The following KCNK13 variants were observed in gnomAD, a reference collection of about 807,000 sequenced individuals.
The protein encoded by KCNK13 is potassium two pore domain channel subfamily K member 13.
Under a neutral mutation model 23.4 loss-of-function variants are expected in KCNK13, and 12 were observed. The observed-to-expected ratio is 0.51, with a 90% CI of 0.33 to 0.83. The LOEUF (loss-of-function observed/expected upper bound fraction) is 0.83, where lower values mean the gene tolerates loss of function less well. KCNK13 is among the 40% of genes least tolerant of loss of function. The pLI, the probability that KCNK13 is intolerant of heterozygous loss-of-function variation, is 0.02. For missense variants in KCNK13, 463 were observed against 556.3 expected (o/e 0.83, Z 1.69); for synonymous variants, 231 against 229.5 (o/e 1.01, Z -0.06).
chr14:90,185,578 T>G lies in KCNK13; in HGVS notation c.*575T>G, dbSNP rs530471589. 6.6e-6 allele frequency: 1 copy of G among 152,384 alleles called. No individual in the cohort carries two copies. The highest frequency in any genetic ancestry group is 1.9e-4 in the East Asian group (1 of 5,188). The allele number at this position is 152,384 out of a possible 1,614,324, so 9.4% of individuals were successfully genotyped here. On this transcript the variant is annotated 3_prime_UTR_variant, in exon 2 of 2. Coordinates refer to ENST00000282146, the MANE Select transcript of KCNK13 (RefSeq NM_022054.4). ...CTGTTTTTTGTTGTCCCTTTCTTTT[T>G]ATTTTTAAGGCCTTAATGCCTGGCT... is the stretch of plus-strand genomic sequence containing the variant.
chr14:90,101,810 A>AAAAAAAAAAAAAC (rs1465117776), intron 1 of KCNK13, among the ~76,000 whole-genome samples: 7 of 149,420 alleles, frequency 4.7e-5, no homozygotes, highest in African/African-American at 1.7e-4. Context: ...AAAAAAAAAA[A>AAAAAAAAAAAAAC]AACCTCACAA....
Position 90,154,204 on chromosome 14 carries a change from C to A in KCNK13, c.335-29907C>A, listed in dbSNP as rs190567246. ...GAATGTGGGCTTTCCTACAACAGCA[C>A]CACTTCTACTACCCACAATGCTGTG... is the stretch of plus-strand genomic sequence containing the variant. On this transcript the variant is annotated intron_variant, in intron 1 of 1. Coordinates refer to ENST00000282146, the MANE Select transcript of KCNK13 (RefSeq NM_022054.4). 2.0e-5 allele frequency among the ~76,000 whole-genome samples: 3 copies of A among 152,276 alleles called. No homozygotes were observed. In the East Asian group the frequency reaches 5.8e-4, roughly 29 times the overall value.
Position 90,062,507 on chromosome 14 carries a change from TCTA to T in KCNK13, c.305_307del (p.Tyr102del). 1.3e-6 allele frequency: 2 copies of T among 1,527,764 alleles called. No individual in the cohort carries two copies. The highest frequency in any genetic ancestry group is 1.8e-6 in the Non-Finnish European group (2 of 1,137,454). 94.6% of individuals were successfully genotyped at this position (1,527,764 alleles called of 1,614,324 possible). A position where few individuals can be genotyped will look rare whatever the true frequency, so the allele number is the denominator to read the frequency against. ...CCGCGCTGGGACTTCACCGGCGCCT[TCTA>T]CTTCGTGGGCACCGTCGTTTCCACC... is the stretch of plus-strand genomic sequence containing the variant. On this transcript the variant is annotated inframe_deletion, in exon 1 of 2. Coordinates refer to ENST00000282146, the MANE Select transcript of KCNK13 (RefSeq NM_022054.4). The surrounding 1 kb of genome is among the most constrained non-coding windows in gnomAD (Gnocchi z 4.5).
chr14:90,136,217 C>T (rs185329517), intron 1 of KCNK13, among the ~76,000 whole-genome samples: 6 of 152,224 alleles, frequency 3.9e-5, no homozygotes, highest in East Asian at 1.9e-4. Context: ...ATGCCTCTGG[C>T]CTGCTGTTTC....
intron 1 of KCNK13, among the ~76,000 whole-genome samples, chr14:90,075,709 G>A (rs185456685): frequency 6.6e-6 from 1 of 152,178 alleles, no homozygotes; most frequent in Admixed American, 6.5e-5. Flanking sequence ...TTGAACTCCT[G>A]ACCTCAGGTG....
Position 90,176,557 on chromosome 14 carries a change from A to G in KCNK13, c.335-7554A>G, listed in dbSNP as rs10148363. Among the ~76,000 whole-genome samples, 1,399 of 152,310 alleles carry G rather than the reference A, an allele frequency of 9.2e-3. 25 individuals are homozygous for G. Among genetic ancestry groups the G allele is most frequent in the African/African-American group, 0.032 (1,324 of 41,562 alleles). On this transcript the variant is annotated intron_variant, in intron 1 of 1. Coordinates refer to ENST00000282146, the MANE Select transcript of KCNK13 (RefSeq NM_022054.4). ...TTTTGTAGTTTCATCCCACATGAGA[A>G]GGCTTAAACTGTTAGCATCAAAAAG... is the stretch of plus-strand genomic sequence containing the variant.
At position 90,062,301 on chromosome 14, in the gene KCNK13, G is replaced by A; in HGVS notation, c.96G>A (p.Leu32=). The A allele has an allele frequency of 6.4e-7, 1 of 1,560,768 alleles. No individual in the cohort carries two copies. The highest frequency in any genetic ancestry group is 8.6e-7 in the Non-Finnish European group (1 of 1,161,492). Residue 32 remains leucine, a synonymous_variant, in exon 1 of 2, where the codon CTG becomes CTA. Coordinates refer to ENST00000282146, the MANE Select transcript of KCNK13 (RefSeq NM_022054.4). This position sits in a 1 kb window ranked among gnomAD's most constrained non-coding sequence, Gnocchi z 4.5. ...LLAALIVLYL[L]GGAAVFSALE... ...CCGCGCTCATCGTGCTCTACCTGCT[G>A]GGCGGCGCCGCCGTCTTCTCCGCGC...
chr14:90,118,090 G>T (rs941147773), intron 1 of KCNK13, among the ~76,000 whole-genome samples: 1 of 152,190 alleles, frequency 6.6e-6, no homozygotes. Flanking sequence ...CCAAAGCAGT[G>T]CCTCCCCAAA....
At chr14:90,161,904 C>T (rs909225942) in intron 1 of KCNK13, among the ~76,000 whole-genome samples, 1 of 152,156 alleles carries the variant, frequency 6.6e-6, no homozygotes, top group Non-Finnish European at 1.5e-5. Context: ...CAGGGCTGGA[C>T]GTGGTGGCTC....
In KCNK13 at chr14:90,062,661, A is replaced by G. The variant is rs934227118; in HGVS notation, c.334+122A>G. The G allele has an allele frequency of 1.5e-5, 11 of 710,278 alleles. No individual in the cohort carries two copies. The highest frequency in any genetic ancestry group is 9.4e-5 in the African/African-American group (5 of 53,078). The allele number at this position is 710,278 out of a possible 1,614,324, so 44.0% of individuals were successfully genotyped here. The stretch of plus-strand genomic sequence containing the variant: ...GGGCGCCCAGCCAGACTCCACTGAC[A>G]TGAGCTGTCGCCTGATCAACAGGTG... On this transcript the variant is annotated intron_variant, in intron 1 of 1. Transcript: ENST00000282146. The surrounding 1 kb of genome is among the most constrained non-coding windows in gnomAD (Gnocchi z 4.5).
intron 1 of KCNK13, among the ~76,000 whole-genome samples, chr14:90,096,176 G>A (rs538699517): frequency 2.7e-4 from 41 of 152,254 alleles, no homozygotes; most frequent in African/African-American, 9.9e-4. Context: ...ATATAGACAT[G>A]ATTGATTAAA....
chr14:90,137,927 A>G (rs1889957819), intron 1 of KCNK13, among the ~76,000 whole-genome samples: 1 of 152,234 alleles, frequency 6.6e-6, no homozygotes, highest in Non-Finnish European at 1.5e-5. Context: ...GCGTGAAGAC[A>G]GGATCGGTTC....
chr14:90,104,308 T>A (rs1321205040), intron 1 of KCNK13, among the ~76,000 whole-genome samples: 1 of 152,184 alleles, frequency 6.6e-6, no homozygotes, highest in Non-Finnish European at 1.5e-5. Flanking sequence ...AGGAACTGCG[T>A]GGTTTCTGGG....
intron 1 of KCNK13, among the ~76,000 whole-genome samples, chr14:90,173,924 A>T (rs1260998026): frequency 2.0e-5 from 3 of 152,204 alleles, no homozygotes; most frequent in Non-Finnish European, 4.4e-5. Flanking sequence ...GCCTCAGGAA[A>T]CTTAAAATCA....
At chr14:90,160,845 G>GAA (rs762915051) in intron 1 of KCNK13, among the ~76,000 whole-genome samples, 5 of 97,320 alleles carry the variant, frequency 5.1e-5, no homozygotes, top group Non-Finnish European at 8.6e-5. Flanking sequence ...CTCCAGTTCA[G>GAA]AAAAAAAAAA....
chr14:90,143,736 C>T (rs12434638), intron 1 of KCNK13, among the ~76,000 whole-genome samples: 43,761 of 152,022 alleles, frequency 0.29, 6,941 homozygotes, highest in Non-Finnish European at 0.37. Context: ...GCATGGATAA[C>T]ATTTCTAACA....
chr14:90,166,943 G>A (rs1411455777), intron 1 of KCNK13, among the ~76,000 whole-genome samples: 1 of 152,128 alleles, frequency 6.6e-6, no homozygotes, highest in Non-Finnish European at 1.5e-5. Context: ...TTACCAAAGG[G>A]ACAACCAGAA....
chr14:90,177,842 T>A (rs552654802), intron 1 of KCNK13, among the ~76,000 whole-genome samples: 146 of 152,292 alleles, frequency 9.6e-4, no homozygotes, highest in South Asian at 2.3e-3. Flanking sequence ...CCCCTGCATG[T>A]TTAAGCCACC....
At chr14:90,072,581 C>T (rs1450286184) in intron 1 of KCNK13, among the ~76,000 whole-genome samples, 1 of 152,162 alleles carries the variant, frequency 6.6e-6, no homozygotes, top group African/African-American at 2.4e-5. Flanking sequence ...TGTAGCAGAG[C>T]TTGCTTTTTA....
Sources: allele counts gnomAD v4.1 joint callset (sites outside exome capture counted in the v4.1 genomes callset), GRCh38; gene constraint gnomAD v4.1.1; non-coding constraint Gnocchi (gnomAD v3.1); transcripts MANE v1.5; gene names NCBI Gene and HGNC (gene_info 2026-07-23, HGNC 2026-07-21).